The following SLC10A7 variants were observed in gnomAD, a reference collection of about 807,000 sequenced individuals.
The protein encoded by SLC10A7 is solute carrier family 10 member 7.
SLC10A7 carries 29 observed loss-of-function variants against 43.2 expected under a neutral mutation model. The ratio of observed to expected loss-of-function variants is 0.67; its 90% CI spans 0.50 to 0.92. SLC10A7 has a LOEUF of 0.92. Among genes scored for constraint, SLC10A7 ranks in the 40% least tolerant of loss-of-function variants. The probability of loss-of-function intolerance (pLI) is 0.00; values close to 1 mark genes in which losing one functional copy is unlikely to be tolerated. For missense variants in SLC10A7, 295 were observed against 403.2 expected, an observed-to-expected ratio of 0.73 and a Z score of 2.30; for synonymous variants, 152 against 144.8, an observed-to-expected ratio of 1.05 and a Z score of -0.35.
chr4:146,257,100 G>C (rs1727933547), intron 11 of SLC10A7, among the ~76,000 whole-genome samples: 1 of 152,090 alleles, frequency 6.6e-6, no homozygotes, highest in Admixed American at 6.5e-5. Flanking sequence ...ATGAGTATTA[G>C]GATTTTCAAA....
At chr4:146,325,147 T>A (rs1308869702) in intron 6 of SLC10A7, among the ~76,000 whole-genome samples, 1 of 152,202 alleles carries the variant, frequency 6.6e-6, no homozygotes, top group Non-Finnish European at 1.5e-5. Context: ...GTCAAACAGC[T>A]ACATTACATT....
At chr4:146,467,454 AACACACACACACACACACACACAC>A (rs35773390) in intron 4 of SLC10A7, among the ~76,000 whole-genome samples, 1 of 140,726 alleles carries the variant, frequency 7.1e-6, no homozygotes, top group Non-Finnish European at 1.5e-5. Context: ...AGCAGGTTTA[AACACACACACACACACACACACAC>A]ACACACACAC....
At chr4:146,505,943 C>A (rs1025773558) in intron 3 of SLC10A7, among the ~76,000 whole-genome samples, 4 of 152,150 alleles carry the variant, frequency 2.6e-5, no homozygotes, top group Non-Finnish European at 4.4e-5. Context: ...AGATAAGTAA[C>A]TTTCCCAAAC....
rs149428150 is a variant in SLC10A7 at position 146,518,380 on chromosome 4, C to A, written c.101-1260G>T. 6.9e-3 allele frequency among the ~76,000 whole-genome samples: 1,049 copies of A among 152,138 alleles called. 8 individuals carry two copies. Among genetic ancestry groups the A allele is most frequent in the African/African-American group, 0.025 (1,018 of 41,490 alleles). On this transcript the variant is annotated intron_variant, in intron 1 of 11. Coordinates refer to ENST00000335472, the MANE Select transcript of SLC10A7 (RefSeq NM_001029998.6). ...ATCTAGTGGGTAGAGATCAGGAATTCTATTAAACATCTTGGAAGGCATAGA... is the reference window on the plus strand; with the variant it reads ...ATCTAGTGGGTAGAGATCAGGAATTATATTAAACATCTTGGAAGGCATAGA...
chr4:146,327,795 G>A (rs1016520293), intron 5 of SLC10A7, among the ~76,000 whole-genome samples: 1 of 152,210 alleles, frequency 6.6e-6, no homozygotes, highest in African/African-American at 2.4e-5. Context: ...CCTGAGGATT[G>A]ATAGCCCCCA....
chr4:146,320,073 G>A (rs1457311993), intron 6 of SLC10A7, among the ~76,000 whole-genome samples: 1 of 152,020 alleles, frequency 6.6e-6, no homozygotes, highest in African/African-American at 2.4e-5. Flanking sequence ...AGATTTGAGA[G>A]GCAAGGAGAA....
At chr4:146,435,280 C>A (rs1730123775) in intron 5 of SLC10A7, among the ~76,000 whole-genome samples, 1 of 152,126 alleles carries the variant, frequency 6.6e-6, no homozygotes, top group East Asian at 1.9e-4. Flanking sequence ...CAGGGACCAA[C>A]AATTAAAGGG....
At chr4:146,283,358 T>G in intron 9 of SLC10A7, 93 bp from the exon 10 acceptor site, 9 of 895,850 alleles carry the variant, frequency 1.0e-5, no homozygotes, top group African/African-American at 1.6e-5. Context: ...TATGTTAACA[T>G]CCCTTTGATC....
rs5862757 is a variant in SLC10A7, at chr4:146,379,935, TTCTC to T, written c.436-53943_436-53940del. The stretch of plus-strand genomic sequence containing the variant: ...ACACAAATATCTGCTTGACAAATAA[TTCTC>T]TCTCTCTCTCTCTCTCTCTCTGTGT... On this transcript the variant is annotated intron_variant, in intron 5 of 11. Coordinates refer to ENST00000335472, the MANE Select transcript of SLC10A7 (RefSeq NM_001029998.6). Among the ~76,000 whole-genome samples, 621 of 146,286 alleles carry T rather than the reference TTCTC, an allele frequency of 4.2e-3. 4 individuals carry two copies. Among genetic ancestry groups the T allele is most frequent in the African/African-American group, 0.01 (413 of 39,736 alleles).
At chr4:146,510,331 C>G (rs1737345147) in intron 2 of SLC10A7, among the ~76,000 whole-genome samples, 1 of 150,578 alleles carries the variant, frequency 6.6e-6, no homozygotes, top group Non-Finnish European at 1.5e-5. Flanking sequence ...GCGATCTTGG[C>G]TCACTGCAAC....
intron 5 of SLC10A7, among the ~76,000 whole-genome samples, chr4:146,337,724 C>T (rs1349288113): frequency 6.6e-6 from 1 of 151,358 alleles, no homozygotes; most frequent in Admixed American, 6.6e-5. Context: ...TAGAGACTAA[C>T]CTAAGGAAGT....
At chr4:146,262,191 G>A (rs899320588) in intron 10 of SLC10A7, among the ~76,000 whole-genome samples, 1 of 152,060 alleles carries the variant, frequency 6.6e-6, no homozygotes, top group East Asian at 1.9e-4. Context: ...GCAATCCCAA[G>A]CATCTACTTA....
intron 4 of SLC10A7, among the ~76,000 whole-genome samples, chr4:146,469,863 C>A (rs1453151038): frequency 1.3e-5 from 2 of 152,036 alleles, no homozygotes; most frequent in Non-Finnish European, 2.9e-5. Flanking sequence ...TAACTCCTGG[C>A]CCAAGTGACC....
At position 146,255,227 on chromosome 4, in the gene SLC10A7, A is replaced by C. The variant is rs1174564700; in HGVS notation, c.*1264T>G. The C allele has an allele frequency of 2.0e-5, 3 of 152,622 alleles. No homozygotes were observed. The highest frequency in any genetic ancestry group is 7.2e-5 in the African/African-American group (3 of 41,446). 9.5% of individuals were successfully genotyped at this position (152,622 alleles called of 1,614,324 possible). Reference sequence around the variant, plus strand: ...AGTTCTATACGTGGCTTCATTCTCTACTTGGGTCCAGTTACAGTTCTTGCA... The same window carrying C: ...AGTTCTATACGTGGCTTCATTCTCTCCTTGGGTCCAGTTACAGTTCTTGCA... On this transcript the variant is annotated 3_prime_UTR_variant, in exon 12 of 12. Transcript: ENST00000335472.
intron 5 of SLC10A7, among the ~76,000 whole-genome samples, chr4:146,400,482 T>TCTA (rs1322868273): frequency 6.6e-6 from 1 of 152,148 alleles, no homozygotes; most frequent in Admixed American, 6.6e-5. Flanking sequence ...GTTTCTAGGC[T>TCTA]TTAGTACAAA....
At chr4:146,475,203 G>A (rs560165081) in intron 4 of SLC10A7, among the ~76,000 whole-genome samples, 1 of 152,014 alleles carries the variant, frequency 6.6e-6, no homozygotes, top group African/African-American at 2.4e-5. Context: ...TTTTTCCCCA[G>A]GCAAAATCCC....
chr4:146,516,909 G>T, intron 2 of SLC10A7, 129 bp downstream of exon 2: 1 of 666,466 alleles, frequency 1.5e-6, no homozygotes, highest in Non-Finnish European at 2.5e-6. Context: ...TGCCGACCAA[G>T]TTATCTTCTG....
intron 4 of SLC10A7, among the ~76,000 whole-genome samples, chr4:146,457,499 T>C (rs1413685700): frequency 6.6e-6 from 1 of 151,876 alleles, no homozygotes; most frequent in Non-Finnish European, 1.5e-5. Context: ...TTTGGACCCA[T>C]TAACCATCCC....
intron 4 of SLC10A7, among the ~76,000 whole-genome samples, chr4:146,454,427 AT>A (rs1731872808): frequency 1.3e-5 from 2 of 151,884 alleles, no homozygotes; most frequent in Non-Finnish European, 2.9e-5. Context: ...TTCCAAGGTC[AT>A]ACTGGACAGC....
Sources: gnomAD v4.1 joint callset for allele counts (sites outside exome capture counted in the v4.1 genomes callset) on GRCh38, gnomAD v4.1.1 for gene constraint, MANE v1.5 for transcripts, NCBI Gene and HGNC (gene_info 2026-07-23, HGNC 2026-07-21) for gene names.